VWCE: variants seen among roughly 807,000 people sequenced by gnomAD.
VWCE encodes the protein von Willebrand factor C and EGF domain-containing protein.
Under a neutral mutation model 102.9 loss-of-function variants are expected in VWCE, and 68 were observed. The observed-to-expected ratio is 0.66, with a 90% CI of 0.54 to 0.81. The LOEUF is 0.81. Ranked by LOEUF, VWCE falls within the 30% of genes least tolerant of loss-of-function variation. The probability of loss-of-function intolerance (pLI) is 0.00; values close to 1 mark genes in which losing one functional copy is unlikely to be tolerated. For missense variants in VWCE, 1,137 were observed against 1,263.6 expected (o/e 0.90, Z 1.52); for synonymous variants, 497 against 515.4 (o/e 0.96, Z 0.48).
chr11:61,261,980 A>G (rs189672089), intron 19 of VWCE, among the ~76,000 whole-genome samples: 1 of 152,044 alleles, frequency 6.6e-6, no homozygotes, highest in Admixed American at 6.6e-5. Context: ...TTTGAGACAG[A>G]GTCTTGCTCT....
rs938272486 is a variant in VWCE at position 61,294,207 on chromosome 11, G to A, written c.110+721C>T. ...TCGGGGCAGGTTCTGAGCAGGAACT[G>A]GCGGTGGCTGTGGAACACACGTGTG... On this transcript the variant is annotated intron_variant, in intron 1 of 19. Coordinates refer to ENST00000335613, the MANE Select transcript of VWCE (RefSeq NM_152718.2). The surrounding 1 kb of genome is among the most constrained non-coding windows in gnomAD (Gnocchi z 6.3). Among the ~76,000 whole-genome samples the A allele has an allele frequency of 1.3e-5, 2 of 152,196 alleles. No homozygotes were observed. The highest frequency in any genetic ancestry group is 2.4e-5 in the African/African-American group (1 of 41,466).
At chr11:61,266,401 G>A (rs1322148199) in intron 16 of VWCE, among the ~76,000 whole-genome samples, 4 of 151,942 alleles carry the variant, frequency 2.6e-5, no homozygotes, top group African/African-American at 9.7e-5. Flanking sequence ...AATTAGCCAG[G>A]TGTGGTGGTA....
rs749729857 is a variant in VWCE, at chr11:61,281,912, CA to C, written c.660del (p.Asp220GlufsTer2). ...TCCAATGGCCTCCGACACTCGTTTA[CA>C]TCTGCGGGAGAGCCTCGCTGCGGAC... ...HLHGNRHSCV[D>X]VNECRRPLER... On this transcript the variant is annotated frameshift_variant and splice_region_variant, in exon 7 of 20. Coordinates refer to ENST00000335613, the MANE Select transcript of VWCE (RefSeq NM_152718.2). LOFTEE classifies it high-confidence loss of function. The C allele has an allele frequency of 6.2e-7, 1 of 1,612,664 alleles. No homozygotes were observed. The highest frequency in any genetic ancestry group is 8.5e-7 in the Non-Finnish European group (1 of 1,179,204).
intron 14 of VWCE, among the ~76,000 whole-genome samples, chr11:61,269,942 G>C (rs1184406119): frequency 6.7e-6 from 1 of 148,664 alleles, no homozygotes; most frequent in African/African-American, 2.5e-5. Flanking sequence ...TTTTGAGACG[G>C]AGTCTCACTC....
intron 5 of VWCE, 129 bp from the exon 6 acceptor site, chr11:61,283,034 C>G (rs1855192867): frequency 2.6e-6 from 2 of 759,776 alleles, no homozygotes; most frequent in Non-Finnish European, 4.7e-6. Flanking sequence ...TTAGCTGCCC[C>G]TCTTCTGCAC....
Position 61,281,088 on chromosome 11 carries a change from C to A in VWCE, c.935G>T (p.Gly312Val), listed in dbSNP as rs1007455541. The change falls in exon 8 of 20, where the codon GGA becomes GTA. Residue 312 changes from glycine (G) to valine (V), a missense_variant. By Grantham distance (109) the Gly-to-Val change is moderately radical. Around this residue, in one of 5 missense-constraint regions of VWCE, gnomAD observed 575 missense variants for 625.9 expected, o/e 0.92. Coordinates refer to ENST00000335613, the MANE Select transcript of VWCE (RefSeq NM_152718.2). ...PPSGAPGPPAGVRTTRLPSPT... is the reference protein window; with the variant it reads ...PPSGAPGPPAVVRTTRLPSPT... ...AGATGGCAGGCGGGTGGTCCTGACTCCGGCTGGGGGCCCTGGAGCCCCAGA... is the reference window on the plus strand; with the variant it reads ...AGATGGCAGGCGGGTGGTCCTGACTACGGCTGGGGGCCCTGGAGCCCCAGA... The A allele has an allele frequency of 3.1e-6, 5 of 1,608,836 alleles. No individual in the cohort carries two copies. Among genetic ancestry groups the A allele is most frequent in the Non-Finnish European group, 4.2e-6 (5 of 1,177,270 alleles).
intron 4 of VWCE, among the ~76,000 whole-genome samples, 174 bp from the exon 5 acceptor site, chr11:61,286,604 C>G (rs141012660): frequency 0.013 from 2,047 of 151,978 alleles, 50 homozygotes; most frequent in African/African-American, 0.047. Flanking sequence ...GAGTTCAAGA[C>G]CAGCCTGACC....
intron 19 of VWCE, among the ~76,000 whole-genome samples, chr11:61,260,825 T>C (rs932016043): frequency 6.6e-6 from 1 of 152,096 alleles, no homozygotes; most frequent in Non-Finnish European, 1.5e-5. Flanking sequence ...CACATCATTG[T>C]AAAGTCAAAA....
At chr11:61,269,287 C>A in intron 14 of VWCE, 1 of 467,766 alleles carries the variant, frequency 2.1e-6, no homozygotes, top group Non-Finnish European at 3.9e-6. Context: ...GCAGCCAAAG[C>A]CTGCACCGTC....
chr11:61,265,322 G>A (rs1854480530), intron 16 of VWCE, 110 bp from the exon 17 acceptor site: 3 of 1,014,856 alleles, frequency 3.0e-6, no homozygotes, highest in Non-Finnish European at 4.2e-6. Flanking sequence ...AATCAACATT[G>A]TGGGAGGAGT....
chr11:61,262,381 C>A (rs1590608368), intron 19 of VWCE, among the ~76,000 whole-genome samples: 1 of 152,200 alleles, frequency 6.6e-6, no homozygotes, highest in South Asian at 2.1e-4. Context: ...AACTTAACTT[C>A]TTTGAGCCTC....
intron 13 of VWCE, among the ~76,000 whole-genome samples, chr11:61,272,366 T>C (rs763442282): frequency 1.3e-5 from 2 of 151,226 alleles, no homozygotes; most frequent in Middle Eastern, 3.2e-3. Context: ...CATAGAATCA[T>C]ACACTTACAT....
rs766070445 is a variant in VWCE at position 61,281,892 on chromosome 11, T to C, written c.681A>G (p.Pro227=). 1.3e-5 allele frequency: 21 copies of C among 1,613,838 alleles called. No individual in the cohort carries two copies. The highest frequency in any genetic ancestry group is 2.2e-5 in the East Asian group (1 of 44,878). ...SCVDVNECRR[P]LERRVCHHSC... The stretch of plus-strand genomic sequence containing the variant: ...AATGGTGACAGACTCGCCTCTCCAA[T>C]GGCCTCCGACACTCGTTTACATCTG... Residue 227 remains proline, a synonymous_variant, in exon 7 of 20, where the codon CCA becomes CCG. Coordinates refer to ENST00000335613, the MANE Select transcript of VWCE (RefSeq NM_152718.2).
intron 10 of VWCE, among the ~76,000 whole-genome samples, chr11:61,278,150 C>T (rs181865867): frequency 3.3e-5 from 5 of 152,296 alleles, no homozygotes; most frequent in African/African-American, 4.8e-5. Flanking sequence ...CCTAAACAGA[C>T]GGACCCTGTG....
chr11:61,258,790 G>A lies in VWCE; in HGVS notation c.2753C>T (p.Pro918Leu). The A allele has an allele frequency of 6.7e-7, 1 of 1,498,262 alleles. No homozygotes were observed. The highest frequency in any genetic ancestry group is 1.4e-5 in the South Asian group (1 of 69,688). 92.8% of individuals were successfully genotyped at this position (1,498,262 alleles called of 1,614,324 possible). A position where few individuals can be genotyped will look rare whatever the true frequency, so the allele number is the denominator to read the frequency against. ...PSKTPITLLG[P>L]RVLSPTTSRL... Reference sequence around the variant, plus strand: ...AGAGGTGGTGGGAGAAAGCACGCGAGGCCCGAGGAGGGTGATGGGGGTCTT... The same window carrying A: ...AGAGGTGGTGGGAGAAAGCACGCGAAGCCCGAGGAGGGTGATGGGGGTCTT... Residue 918 changes from proline to leucine, a missense_variant, in exon 20 of 20, where the codon CCT becomes CTT. Physicochemically the swap from Pro to Leu is moderately conservative, Grantham distance 98. Around this residue, in one of 5 missense-constraint regions of VWCE, gnomAD observed 316 missense variants for 319.3 expected, o/e 0.99. Coordinates refer to ENST00000335613, the MANE Select transcript of VWCE (RefSeq NM_152718.2).
intron 5 of VWCE, among the ~76,000 whole-genome samples, chr11:61,284,285 G>A (rs764363853): frequency 7.9e-5 from 12 of 152,194 alleles, no homozygotes; most frequent in Non-Finnish European, 1.5e-4. Flanking sequence ...AAGCCTCAGT[G>A]TTCCTTTCAA....
chr11:61,273,588 G>A (rs553006576), intron 12 of VWCE: 52 of 467,388 alleles, frequency 1.1e-4, no homozygotes, highest in African/African-American at 4.6e-4. Context: ...TCACCCTCCC[G>A]CTTCCATCCA....
At chr11:61,267,646 G>A (rs1304727120) in intron 15 of VWCE, 102 bp from the exon 16 acceptor site, 1 of 1,059,680 alleles carries the variant, frequency 9.4e-7, no homozygotes, top group Admixed American at 1.9e-5. Context: ...CAAAGGGGAG[G>A]CCATGTGCCT....
chr11:61,261,929 G>A (rs1490455938), intron 19 of VWCE, among the ~76,000 whole-genome samples: 1 of 152,138 alleles, frequency 6.6e-6, no homozygotes, highest in Admixed American at 6.6e-5. Context: ...TTCAGGAGAA[G>A]GAGCTGGGCT....
Sources: gnomAD v4.1 joint callset for allele counts (sites outside exome capture counted in the v4.1 genomes callset) on GRCh38, gnomAD v4.1.1 for gene constraint, gnomAD v4.1.1 regional missense constraint, Gnocchi (gnomAD v3.1) non-coding constraint, MANE v1.5 for transcripts, NCBI Gene and HGNC (gene_info 2026-07-23, HGNC 2026-07-21) for gene names.